Variants in CADM2 observed in about 807,000 individuals in gnomAD.
CADM2 encodes immunoglobulin superfamily member 4D.
A neutral mutation model predicts 49.8 loss-of-function variants in CADM2; 12 were observed. The observed-to-expected ratio is 0.24, with a 90% CI of 0.15 to 0.39. The LOEUF (loss-of-function observed/expected upper bound fraction) is 0.39, where lower values mean the gene tolerates loss of function less well. Among genes scored for constraint, CADM2 ranks in the 10% least tolerant of loss-of-function variants. The pLI is 1.00. For synonymous variants in CADM2, 214 were observed against 175.4 expected, an observed-to-expected ratio of 1.22 and a Z score of -1.74; for missense variants, 378 against 492.3, an observed-to-expected ratio of 0.77 and a Z score of 2.20.
chr3:85,427,332 G>A (rs73843603), intron 1 of CADM2, among the ~76,000 whole-genome samples: 3,093 of 151,740 alleles, frequency 0.02, 101 homozygotes, highest in African/African-American at 0.07. Context: ...AGCTGAATAT[G>A]TTTTGTGAAT....
intron 8 of CADM2, among the ~76,000 whole-genome samples, chr3:86,043,863 A>T (rs1335068074): frequency 6.6e-6 from 1 of 152,182 alleles, no homozygotes; most frequent in East Asian, 1.9e-4. Context: ...CAAAACAGAG[A>T]TATAGACCAA....
chr3:85,345,590 A>T (rs2030548257), intron 1 of CADM2, among the ~76,000 whole-genome samples: 1 of 152,108 alleles, frequency 6.6e-6, no homozygotes, highest in South Asian at 2.1e-4. Flanking sequence ...CCACAAAATT[A>T]CGAGTCCTGA....
At chr3:85,940,018 A>T (rs1397773464) in intron 7 of CADM2, among the ~76,000 whole-genome samples, 1 of 71,056 alleles carries the variant, frequency 1.4e-5, no homozygotes, top group East Asian at 3.8e-4. Context: ...AATTTTTAAC[A>T]ACAACAAAAA....
intron 1 of CADM2, among the ~76,000 whole-genome samples, chr3:85,205,077 G>A (rs951158971): frequency 2.0e-5 from 3 of 149,548 alleles, no homozygotes; most frequent in Non-Finnish European, 4.4e-5. Flanking sequence ...GAGTGCAGTA[G>A]TGTAATCGTG....
chr3:85,893,650 G>GA (rs1714790456), intron 5 of CADM2, among the ~76,000 whole-genome samples: 1 of 151,684 alleles, frequency 6.6e-6, no homozygotes, highest in Non-Finnish European at 1.5e-5. Flanking sequence ...AAATTTACAA[G>GA]AAAAAAACAA....
At chr3:85,528,475 T>G (rs1389123274) in intron 1 of CADM2, among the ~76,000 whole-genome samples, 2 of 152,214 alleles carry the variant, frequency 1.3e-5, no homozygotes, top group African/African-American at 4.8e-5. Flanking sequence ...CAATATTGTT[T>G]AACCTCTTTG....
chr3:85,604,873 T>C (rs1409344534), intron 1 of CADM2, among the ~76,000 whole-genome samples: 1 of 151,942 alleles, frequency 6.6e-6, no homozygotes, highest in Non-Finnish European at 1.5e-5. Flanking sequence ...CACTTTACGC[T>C]TATATCATCA....
intron 2 of CADM2, among the ~76,000 whole-genome samples, chr3:85,762,613 C>CTCTCTCTCTGTCTCTCTCTG (rs1553682285): frequency 6.8e-6 from 1 of 147,978 alleles, no homozygotes; most frequent in Non-Finnish European, 1.5e-5. Context: ...CTCTCTCTCT[C>CTCTCTCTCTGTCTCTCTCTG]TCTCTCTCTG....
At chr3:85,778,272 T>C (rs938500117) in intron 2 of CADM2, among the ~76,000 whole-genome samples, 9 of 152,236 alleles carry the variant, frequency 5.9e-5, no homozygotes, top group African/African-American at 1.9e-4. Flanking sequence ...CATATGTGTA[T>C]ATGTGGATAT....
intron 6 of CADM2, among the ~76,000 whole-genome samples, chr3:85,924,201 T>C (rs1559745464): frequency 1.3e-5 from 2 of 152,112 alleles, no homozygotes; most frequent in Admixed American, 1.3e-4. Flanking sequence ...GCACCTCTAA[T>C]AAAGAAAGAA....
chr3:85,422,048 T>C (rs999360720), intron 1 of CADM2, among the ~76,000 whole-genome samples: 25 of 152,392 alleles, frequency 1.6e-4, no homozygotes, highest in African/African-American at 6.0e-4. Context: ...CAGATATTTG[T>C]GTGTACATAT....
intron 1 of CADM2, among the ~76,000 whole-genome samples, chr3:85,047,284 C>T (rs1408535119): frequency 2.6e-5 from 4 of 152,006 alleles, no homozygotes; most frequent in Admixed American, 6.6e-5. Flanking sequence ...TTTTGTCCTT[C>T]GTGACCTACC....
chr3:85,059,200 C>G (rs1260624984), intron 1 of CADM2, among the ~76,000 whole-genome samples: 1 of 151,618 alleles, frequency 6.6e-6, no homozygotes. Context: ...GATCGCGCCA[C>G]TGCACTCCAG....
intron 1 of CADM2, among the ~76,000 whole-genome samples, chr3:85,447,192 G>A (rs959049387): frequency 1.3e-5 from 2 of 151,190 alleles, no homozygotes; most frequent in Non-Finnish European, 3.0e-5. Context: ...GTCAAATATT[G>A]GGGACAAGTG....
chr3:85,300,285 A>G (rs1576311670), intron 1 of CADM2, among the ~76,000 whole-genome samples: 1 of 152,130 alleles, frequency 6.6e-6, no homozygotes, highest in Non-Finnish European at 1.5e-5. Context: ...TGAGAAAAAA[A>G]GTACATTTGT....
chr3:85,532,586 G>A (rs906662576), intron 1 of CADM2, among the ~76,000 whole-genome samples: 3 of 152,146 alleles, frequency 2.0e-5, no homozygotes, highest in African/African-American at 4.8e-5. Context: ...TCAGTGTGTG[G>A]TGGCAAATGG....
At chr3:85,073,814 AAAAT>A (rs1361978842) in intron 1 of CADM2, among the ~76,000 whole-genome samples, 2 of 152,148 alleles carry the variant, frequency 1.3e-5, no homozygotes, top group Non-Finnish European at 2.9e-5. Flanking sequence ...ATTTGGGCGC[AAAAT>A]TTTTAGTAGG....
At chr3:85,214,739 C>T (rs1286630705) in intron 1 of CADM2, among the ~76,000 whole-genome samples, 1 of 152,014 alleles carries the variant, frequency 6.6e-6, no homozygotes, top group Admixed American at 6.6e-5. Context: ...CCACCATTGT[C>T]CCCAGCCCAT....
intron 2 of CADM2, among the ~76,000 whole-genome samples, chr3:85,743,852 G>T (rs2068497059): frequency 6.6e-6 from 1 of 152,010 alleles, no homozygotes; most frequent in South Asian, 2.1e-4. Flanking sequence ...AGTCATAAGA[G>T]AAAATTTTAA....
Sources: gnomAD v4.1 joint callset for allele counts (sites outside exome capture counted in the v4.1 genomes callset) on GRCh38, gnomAD v4.1.1 for gene constraint, MANE v1.5 for transcripts, NCBI Gene and HGNC (gene_info 2026-07-23, HGNC 2026-07-21) for gene names.